Variants in CDK13 observed in about 807,000 individuals in gnomAD.
CDK13 encodes cyclin dependent kinase 13.
CDK13 carries 40 observed loss-of-function variants against 137.6 expected under a neutral mutation model. The ratio of observed to expected loss-of-function variants is 0.29; its 90% confidence interval spans 0.23 to 0.38. CDK13 has a LOEUF of 0.38. Ranked by LOEUF, CDK13 falls within the 10% of genes least tolerant of loss-of-function variation. The pLI is 1.00. For missense variants in CDK13, 1,704 were observed against 1,951.8 expected (o/e 0.87, Z 2.39); for synonymous variants, 869 against 760.1 (o/e 1.14, Z -2.36).
intron 5 of CDK13, among the ~76,000 whole-genome samples, chr7:40,039,434 A>ATTTTTCTT (rs1785556522): frequency 1.2e-5 from 1 of 84,996 alleles, no homozygotes; most frequent in Non-Finnish European, 2.1e-5. Flanking sequence ...TGCCCGGCTA[A>ATTTTTCTT]TTTTTTTTTT....
rs143618819 is a variant in CDK13, at chr7:40,016,121, A to G, written c.2353+14090A>G. Among the ~76,000 whole-genome samples, 20 of 152,356 alleles carry G rather than the reference A, an allele frequency of 1.3e-4. 1 individual carries two copies. In the East Asian group the frequency reaches 3.9e-3, roughly 29 times the overall value. ...GGGTGGAAGTGGCAGAGTGCCATTT[A>G]GAGCACATTAAGCTAAAAGATACTT... On this transcript the variant is annotated intron_variant, in intron 5 of 13. Coordinates refer to ENST00000181839, the MANE Select transcript of CDK13 (RefSeq NM_003718.5).
At chr7:40,090,364 T>C (rs1786894190) in intron 12 of CDK13, among the ~76,000 whole-genome samples, 3 of 151,914 alleles carry the variant, frequency 2.0e-5, no homozygotes, top group African/African-American at 4.9e-5. Flanking sequence ...CTTTTTTAAC[T>C]TTAATTTTTT....
At chr7:40,072,112 A>C (rs1786434495) in intron 9 of CDK13, 1 of 152,214 alleles carries the variant, frequency 6.6e-6, no homozygotes, top group East Asian at 1.9e-4. Flanking sequence ...TGCCATTAAC[A>C]ATTTGTACTG....
At position 39,951,437 on chromosome 7, in the gene CDK13, A is replaced by C. The variant is rs1469921868; in HGVS notation, c.796A>C (p.Ser266Arg). Residue 266 changes from serine (S) to arginine (R), a missense_variant, in exon 1 of 14, where the codon AGC becomes CGC. By Grantham distance (110) the Ser-to-Arg change is moderately radical. Transcript: ENST00000181839. ...GRRKSASATS[S>R]SSSSRKDRDS... ...CCGGAAAAGCGCTTCGGCCACATCC[A>C]GCAGCAGTAGCAGCCGCAAGGACCG... The C allele has an allele frequency of 6.5e-7, 1 of 1,535,448 alleles. No homozygotes were observed. The highest frequency in any genetic ancestry group is 8.8e-7 in the Non-Finnish European group (1 of 1,141,998).
chr7:39,966,058 C>G (rs1444438228), intron 1 of CDK13, among the ~76,000 whole-genome samples: 1 of 152,104 alleles, frequency 6.6e-6, no homozygotes, highest in African/African-American at 2.4e-5. Flanking sequence ...ACATTTTTTC[C>G]TTCATTTCAA....
intron 1 of CDK13, among the ~76,000 whole-genome samples, chr7:39,982,547 G>A (rs1045096743): frequency 3.3e-5 from 5 of 151,968 alleles, no homozygotes; most frequent in African/African-American, 4.8e-5. Flanking sequence ...GGGATGGCTG[G>A]GTCAAATGGT....
chr7:40,060,291 AT>A (rs1420154166), intron 7 of CDK13, among the ~76,000 whole-genome samples: 1 of 152,198 alleles, frequency 6.6e-6, no homozygotes, highest in Non-Finnish European at 1.5e-5. Context: ...CACTAAAAAT[AT>A]TTTTTAAAGT....
At chr7:40,062,951 T>G in intron 8 of CDK13, 24 bp downstream of exon 8, 1 of 1,604,914 alleles carries the variant, frequency 6.2e-7, no homozygotes, top group Non-Finnish European at 8.5e-7. Flanking sequence ...ATTTACTGGT[T>G]TATTTTACTT....
intron 5 of CDK13, among the ~76,000 whole-genome samples, chr7:40,033,753 G>A (rs925556275): frequency 6.6e-6 from 1 of 151,690 alleles, no homozygotes; most frequent in Non-Finnish European, 1.5e-5. Context: ...GTAGAGGGAG[G>A]GAAGTGTTCT....
intron 9 of CDK13, among the ~76,000 whole-genome samples, chr7:40,064,780 T>A (rs2150528015): frequency 7.1e-6 from 1 of 141,278 alleles, no homozygotes; most frequent in Middle Eastern, 3.6e-3. Context: ...ACTTTTATGT[T>A]ACTTTTTTTT....
intron 1 of CDK13, among the ~76,000 whole-genome samples, chr7:39,968,043 T>C (rs1377607464): frequency 6.6e-6 from 1 of 152,192 alleles, no homozygotes; most frequent in East Asian, 1.9e-4. Flanking sequence ...ATTCCCTCTT[T>C]TGAGGAATGT....
intron 12 of CDK13, chr7:40,092,152 CAG>C (rs1786939871): frequency 6.6e-6 from 1 of 151,610 alleles, no homozygotes; most frequent in Non-Finnish European, 1.5e-5. Flanking sequence ...GGCATTTTAT[CAG>C]AATCTGAAAA....
intron 1 of CDK13, among the ~76,000 whole-genome samples, chr7:39,959,343 T>G (rs1787533572): frequency 6.6e-6 from 1 of 151,980 alleles, no homozygotes; most frequent in South Asian, 2.1e-4. Context: ...GTATTTTTAG[T>G]AGAGACGAGG....
chr7:40,010,309 C>T (rs962169102), intron 5 of CDK13, among the ~76,000 whole-genome samples: 2 of 152,058 alleles, frequency 1.3e-5, no homozygotes, highest in Non-Finnish European at 2.9e-5. Context: ...AGTTTGTGCT[C>T]CTATGAGAAT....
chr7:39,977,193 A>C (rs899527047), intron 1 of CDK13, among the ~76,000 whole-genome samples: 3 of 152,226 alleles, frequency 2.0e-5, no homozygotes, highest in African/African-American at 4.8e-5. Context: ...TCACTAGGCC[A>C]GTATGTGGGA....
intron 11 of CDK13, among the ~76,000 whole-genome samples, chr7:40,086,143 A>G (rs111892422): frequency 9.2e-5 from 14 of 152,346 alleles, no homozygotes; most frequent in African/African-American, 3.1e-4. Context: ...TTAAACTAAT[A>G]TTGCTAAGAT....
At position 40,094,914 on chromosome 7, in the gene CDK13, A is replaced by T. The variant is rs754512184; in HGVS notation, c.4473A>T (p.Ser1491=). ...WTSPAQGPGY[S]QGYRGHISTS... ...CTCCTGCCCAAGGACCTGGATATTCACAAGGATACAGGGGACATATTAGCA... is the reference window on the plus strand; with the variant it reads ...CTCCTGCCCAAGGACCTGGATATTCTCAAGGATACAGGGGACATATTAGCA... Residue 1491 remains serine, a synonymous_variant, in exon 14 of 14, where the codon TCA becomes TCT. Coordinates refer to ENST00000181839, the MANE Select transcript of CDK13 (RefSeq NM_003718.5). 6.6e-7 allele frequency: 1 copy of T among 1,506,104 alleles called. No individual in the cohort carries two copies. Among genetic ancestry groups the T allele is most frequent in the Non-Finnish European group, 8.9e-7 (1 of 1,128,456 alleles). The allele number at this position is 1,506,104 out of a possible 1,614,324, so 93.3% of individuals were successfully genotyped here.
chr7:39,959,730 G>A (rs1480068495), intron 1 of CDK13, among the ~76,000 whole-genome samples: 1 of 151,900 alleles, frequency 6.6e-6, no homozygotes, highest in Non-Finnish European at 1.5e-5. Context: ...CTTTCAAAGT[G>A]CGGGGATTAC....
chr7:40,066,684 A>G (rs992318642), intron 9 of CDK13: 1 of 152,204 alleles, frequency 6.6e-6, no homozygotes, highest in Non-Finnish European at 1.5e-5. Flanking sequence ...AAGTGTTTTT[A>G]ATTTCTAGAT....
Sources: allele counts gnomAD v4.1 joint callset (sites outside exome capture counted in the v4.1 genomes callset), GRCh38; gene constraint gnomAD v4.1.1; transcripts MANE v1.5; gene names NCBI Gene and HGNC (gene_info 2026-07-23, HGNC 2026-07-21).